Variants in SGCG observed in about 807,000 individuals in gnomAD.
SGCG encodes sarcoglycan gamma, also known as gamma-sarcoglycan.
In SGCG, 26 loss-of-function variants were observed where a neutral mutation model predicts 29.3. The ratio of observed to expected loss-of-function variants is 0.89; its 90% CI spans 0.65 to 1.23. The LOEUF is 1.23. Among genes scored for constraint, SGCG ranks in the 50% most tolerant of loss-of-function variants. SGCG has a pLI of 0.00. For synonymous variants in SGCG, 145 were observed against 129.7 expected (o/e 1.12, Z -0.80); for missense variants, 353 against 356.0 (o/e 0.99, Z 0.07).
At chr13:23,205,569 G>A (rs1289219117) in intron 2 of SGCG, among the ~76,000 whole-genome samples, 3 of 152,102 alleles carry the variant, frequency 2.0e-5, no homozygotes, top group Admixed American at 2.0e-4. Context: ...TTTTGTAAAC[G>A]GTTTGACTGT....
chr13:23,298,366 G>GA (rs201035854), intron 6 of SGCG, among the ~76,000 whole-genome samples: 2 of 151,584 alleles, frequency 1.3e-5, no homozygotes, highest in African/African-American at 2.4e-5. Flanking sequence ...TTTATCAAGG[G>GA]AAAAAAAAAT....
chr13:23,186,537 A>G (rs2137471947), intron 1 of SGCG, among the ~76,000 whole-genome samples: 1 of 152,192 alleles, frequency 6.6e-6, no homozygotes, highest in East Asian at 1.9e-4. Flanking sequence ...GGCAAACATG[A>G]CCACTTCTAC....
chr13:23,185,487 GT>G (rs1481035919), intron 1 of SGCG, among the ~76,000 whole-genome samples: 1 of 152,208 alleles, frequency 6.6e-6, no homozygotes, highest in African/African-American at 2.4e-5. Flanking sequence ...ACTGCATCCG[GT>G]CCCCGATCAC....
intron 3 of SGCG, chr13:23,244,645 AAAGTTAATAC>A (rs1879629825): frequency 6.6e-6 from 1 of 152,192 alleles, no homozygotes; most frequent in Non-Finnish European, 1.5e-5. Flanking sequence ...TTTTATGAGA[AAAGTTAATAC>A]ATCTACTTCC....
chr13:23,192,268 A>G (rs1877302719), intron 1 of SGCG, among the ~76,000 whole-genome samples: 1 of 152,146 alleles, frequency 6.6e-6, no homozygotes, highest in Non-Finnish European at 1.5e-5. Context: ...TCTGGAAGTA[A>G]TAATATGTAA....
At chr13:23,271,407 T>G (rs1880872190) in intron 4 of SGCG, among the ~76,000 whole-genome samples, 2 of 148,186 alleles carry the variant, frequency 1.3e-5, no homozygotes, top group Admixed American at 1.3e-4. Context: ...TGATAGCTGA[T>G]GAGCTAAAAA....
At position 23,269,856 on chromosome 13, in the gene SGCG, CT is replaced by C. The variant is rs1555242088; in HGVS notation, c.386-9495del. The stretch of plus-strand genomic sequence containing the variant: ...GTATTTTGTTTTTTTTTTTGGTTTG[CT>C]TTTTTTTGTTTTTTTTGTTTTTTTT... On this transcript the variant is annotated intron_variant, in intron 4 of 7. Coordinates refer to ENST00000218867, the MANE Select transcript of SGCG (RefSeq NM_000231.3). Among the ~76,000 whole-genome samples the C allele has an allele frequency of 3.4e-4, 45 of 131,124 alleles. 1 individual carries two copies. The highest frequency in any genetic ancestry group is 2.4e-4 in the Admixed American group (3 of 12,694). The allele number at this position is 131,124 out of a possible 152,430, so 86.0% of individuals were successfully genotyped here. A position where few individuals can be genotyped will look rare whatever the true frequency, so the allele number is the denominator to read the frequency against.
intron 4 of SGCG, among the ~76,000 whole-genome samples, chr13:23,253,152 C>T (rs1880043166): frequency 6.6e-6 from 1 of 152,142 alleles, no homozygotes; most frequent in Admixed American, 6.6e-5. Context: ...GAGGCTGCAG[C>T]AGGAAGACTG....
chr13:23,245,517 GC>G (rs1566015085), intron 3 of SGCG: 1 of 152,170 alleles, frequency 6.6e-6, no homozygotes, highest in South Asian at 2.1e-4. Context: ...AGCCAGGAAT[GC>G]CACTATCTTT....
the SGCG span, among the ~76,000 whole-genome samples, chr13:23,172,628 A>G: frequency 6.6e-6 from 1 of 152,224 alleles, no homozygotes; most frequent in Non-Finnish European, 1.5e-5. Context: ...ACTTAAGCAT[A>G]GAAAGTTTAT....
intron 2 of SGCG, among the ~76,000 whole-genome samples, chr13:23,232,492 C>T (rs1050365746): frequency 6.6e-6 from 1 of 152,078 alleles, no homozygotes; most frequent in Admixed American, 6.5e-5. Context: ...TGGGGAAGAG[C>T]GGGAAGATCA....
At chr13:23,224,171 T>C (rs1458600403) in intron 2 of SGCG, among the ~76,000 whole-genome samples, 5 of 152,150 alleles carry the variant, frequency 3.3e-5, no homozygotes, top group Non-Finnish European at 7.4e-5. Context: ...TGAAGTAGCT[T>C]CAATCAGGTA....
chr13:23,199,134 A>T (rs1877640372), intron 1 of SGCG, among the ~76,000 whole-genome samples: 1 of 152,052 alleles, frequency 6.6e-6, no homozygotes, highest in African/African-American at 2.4e-5. Context: ...TAAATATAGC[A>T]CCAACATACT....
At chr13:23,274,615 G>C (rs1000355626) in intron 4 of SGCG, among the ~76,000 whole-genome samples, 3 of 151,698 alleles carry the variant, frequency 2.0e-5, no homozygotes, top group African/African-American at 4.8e-5. Flanking sequence ...GTAGAGACGG[G>C]GTTTCACCGT....
At chr13:23,227,021 C>T (rs1175519634) in intron 2 of SGCG, among the ~76,000 whole-genome samples, 1 of 152,100 alleles carries the variant, frequency 6.6e-6, no homozygotes, top group African/African-American at 2.4e-5. Context: ...TTTCTACCTG[C>T]TTGTCTTATT....
chr13:23,204,280 CTT>C (rs1457247174), intron 2 of SGCG, among the ~76,000 whole-genome samples: 12 of 152,066 alleles, frequency 7.9e-5, no homozygotes, highest in Non-Finnish European at 1.2e-4. Flanking sequence ...CATTTAAAAA[CTT>C]TTTTATTTAC....
At chr13:23,314,712 C>T (rs1262161423) in intron 6 of SGCG, among the ~76,000 whole-genome samples, 3 of 152,010 alleles carry the variant, frequency 2.0e-5, no homozygotes, top group Non-Finnish European at 4.4e-5. Flanking sequence ...ATGGGAAATA[C>T]ATCCAACTAA....
intron 5 of SGCG, among the ~76,000 whole-genome samples, chr13:23,292,142 C>CTTTTTTTT (rs1566034333): frequency 2.4e-5 from 3 of 124,058 alleles, no homozygotes; most frequent in South Asian, 2.6e-4. Context: ...TAGAGTCTTA[C>CTTTTTTTT]TTTGTTGTCC....
intron 1 of SGCG, among the ~76,000 whole-genome samples, chr13:23,195,315 G>A (rs1157318077): frequency 1.3e-5 from 2 of 152,178 alleles, no homozygotes; most frequent in East Asian, 3.8e-4. Context: ...GCAATGAGAA[G>A]AGTTTGTCTG....
Sources: allele counts gnomAD v4.1 joint callset (sites outside exome capture counted in the v4.1 genomes callset), GRCh38; gene constraint gnomAD v4.1.1; transcripts MANE v1.5; gene names NCBI Gene and HGNC (gene_info 2026-07-23, HGNC 2026-07-21).